The following GRM5 variants were observed in gnomAD, a reference collection of about 807,000 sequenced individuals.
GRM5 encodes glutamate metabotropic receptor 5, also known as metabotropic glutamate receptor 5.
A neutral mutation model predicts 83.1 loss-of-function variants in GRM5; 19 were observed. The observed-to-expected ratio is 0.23, with a 90% confidence interval of 0.16 to 0.34. The LOEUF (loss-of-function observed/expected upper bound fraction) is 0.34. Ranked by LOEUF, GRM5 falls within the 10% of genes least tolerant of loss-of-function variation. The pLI is 1.00. For synonymous variants in GRM5, 675 were observed against 633.6 expected, an observed-to-expected ratio of 1.07 and a Z score of -0.98; for missense variants, 1,160 against 1,588.3, an observed-to-expected ratio of 0.73 and a Z score of 4.58.
chr11:88,888,324 C>A (rs1276854610), intron 2 of GRM5, among the ~76,000 whole-genome samples: 2 of 152,114 alleles, frequency 1.3e-5, no homozygotes, highest in East Asian at 3.9e-4. Context: ...CAGAGAATTT[C>A]TGAGGTGAGC....
At chr11:88,972,267 C>T (rs1435661347) in intron 2 of GRM5, among the ~76,000 whole-genome samples, 3 of 152,096 alleles carry the variant, frequency 2.0e-5, no homozygotes, top group Non-Finnish European at 4.4e-5. Flanking sequence ...AAAACTTCTC[C>T]CCCACACAGA....
At chr11:89,062,525 C>A (rs1405877292) in intron 1 of GRM5, among the ~76,000 whole-genome samples, 4 of 152,216 alleles carry the variant, frequency 2.6e-5, no homozygotes, top group Non-Finnish European at 5.9e-5. Context: ...GGAGAAGCTG[C>A]CTTCTCACTG....
At chr11:88,568,699 A>C (rs1437152551) in intron 7 of GRM5, among the ~76,000 whole-genome samples, 1 of 152,206 alleles carries the variant, frequency 6.6e-6, no homozygotes, top group African/African-American at 2.4e-5. Context: ...GACTTATTTT[A>C]GAGCCATATA....
At chr11:88,715,534 C>A (rs11021044) in intron 3 of GRM5, among the ~76,000 whole-genome samples, 2,698 of 152,000 alleles carry the variant, frequency 0.018, 67 homozygotes, top group East Asian at 0.098. Flanking sequence ...TATTCTACAA[C>A]GAAATCCTCC....
intron 3 of GRM5, among the ~76,000 whole-genome samples, chr11:88,770,378 TAACA>T (rs1317406784): frequency 6.6e-6 from 1 of 152,134 alleles, no homozygotes; most frequent in Non-Finnish European, 1.5e-5. Flanking sequence ...TCATTAATTT[TAACA>T]AATATACTAC....
At chr11:88,940,355 C>T (rs1205695039) in intron 2 of GRM5, among the ~76,000 whole-genome samples, 1 of 149,260 alleles carries the variant, frequency 6.7e-6, no homozygotes, top group African/African-American at 2.5e-5. Context: ...AGCAATTCAG[C>T]CTCCAGGGAC....
At chr11:89,064,915 T>TGTGTGAGAGAGA (rs1431752395) in intron 1 of GRM5, among the ~76,000 whole-genome samples, 1 of 57,964 alleles carries the variant, frequency 1.7e-5, no homozygotes, top group African/African-American at 6.4e-5. Flanking sequence ...TGTGTGTGTG[T>TGTGTGAGAGAGA]GAGAGAGAGA....
chr11:89,051,679 C>T, intron 1 of GRM5, among the ~76,000 whole-genome samples: 1 of 152,100 alleles, frequency 6.6e-6, no homozygotes, highest in Non-Finnish European at 1.5e-5. Context: ...CACTGCACTC[C>T]AGCCTGGGTG....
chr11:88,540,995 C>T (rs986766832), intron 8 of GRM5, among the ~76,000 whole-genome samples: 9 of 152,082 alleles, frequency 5.9e-5, no homozygotes, highest in African/African-American at 2.2e-4. Context: ...TGTGATCCGC[C>T]CGCCTCGGCT....
At chr11:88,905,867 G>C (rs530159034) in intron 2 of GRM5, among the ~76,000 whole-genome samples, 24 of 152,124 alleles carry the variant, frequency 1.6e-4, no homozygotes, top group Non-Finnish European at 3.5e-4. Flanking sequence ...CAAGGCAGGA[G>C]GCAGTGGTGG....
chr11:88,847,026 T>A (rs535498111), intron 3 of GRM5, among the ~76,000 whole-genome samples: 14 of 152,270 alleles, frequency 9.2e-5, no homozygotes, highest in Non-Finnish European at 1.8e-4. Flanking sequence ...GTTATGGTAG[T>A]TGGGTAATTG....
At chr11:88,540,807 C>A (rs890500453) in intron 8 of GRM5, among the ~76,000 whole-genome samples, 11 of 151,970 alleles carry the variant, frequency 7.2e-5, no homozygotes, top group African/African-American at 2.7e-4. Context: ...GTGGCGTGAT[C>A]GTGATCTCAG....
At chr11:88,571,907 A>C (rs2135179323) in intron 7 of GRM5, among the ~76,000 whole-genome samples, 1 of 152,314 alleles carries the variant, frequency 6.6e-6, no homozygotes, top group South Asian at 2.1e-4. Flanking sequence ...GGAGACAGGG[A>C]TGATAAAGAC....
chr11:88,797,936 T>C lies in GRM5; in HGVS notation c.911+51970A>G, dbSNP rs529014906. On this transcript the variant is annotated intron_variant, in intron 3 of 9. Coordinates refer to ENST00000305447, the MANE Select transcript of GRM5 (RefSeq NM_001143831.3). ...AATAAACATAGAAAATAATAACTCT[T>C]AATATGTCATGAGTATCATGACACA... Among the ~76,000 whole-genome samples, 219 of 152,246 alleles carry C rather than the reference T, an allele frequency of 1.4e-3. 2 individuals are homozygous for C. The highest frequency in any genetic ancestry group is 5.8e-3 in the South Asian group (28 of 4,822).
At chr11:88,911,720 T>C (rs1333938736) in intron 2 of GRM5, among the ~76,000 whole-genome samples, 2 of 152,142 alleles carry the variant, frequency 1.3e-5, no homozygotes, top group African/African-American at 4.8e-5. Flanking sequence ...ATCACTGGTT[T>C]ACACATTGTG....
chr11:88,534,163 G>T (rs946843077), intron 8 of GRM5, among the ~76,000 whole-genome samples: 2 of 152,236 alleles, frequency 1.3e-5, no homozygotes, highest in Non-Finnish European at 2.9e-5. Flanking sequence ...GAAATGTGGG[G>T]TTGGAGTCCT....
intron 3 of GRM5, among the ~76,000 whole-genome samples, chr11:88,835,845 G>A (rs1309637712): frequency 6.6e-6 from 1 of 152,090 alleles, no homozygotes; most frequent in African/African-American, 2.4e-5. Flanking sequence ...GAATGAGGAG[G>A]TAGTTCAAAT....
chr11:88,863,431 A>T (rs1944604332), intron 2 of GRM5, among the ~76,000 whole-genome samples: 1 of 152,182 alleles, frequency 6.6e-6, no homozygotes, highest in Admixed American at 6.6e-5. Flanking sequence ...TTATGCAGCT[A>T]TAAAAATGAA....
At chr11:89,034,894 C>G (rs1941349375) in intron 2 of GRM5, among the ~76,000 whole-genome samples, 1 of 140,510 alleles carries the variant, frequency 7.1e-6, no homozygotes, top group Non-Finnish European at 1.5e-5. Context: ...AGAGGCTTTG[C>G]TGTTATCAAT....
Sources: allele counts gnomAD v4.1 joint callset (sites outside exome capture counted in the v4.1 genomes callset), GRCh38; gene constraint gnomAD v4.1.1; transcripts MANE v1.5; gene names NCBI Gene and HGNC (gene_info 2026-07-23, HGNC 2026-07-21).